Variants in SGCZ observed in about 807,000 individuals in gnomAD.
The protein encoded by SGCZ is zeta-sarcoglycan.
In SGCZ, 40 loss-of-function variants were observed where a neutral mutation model predicts 41.3. The ratio of observed to expected loss-of-function variants is 0.97; its 90% CI spans 0.75 to 1.26. The LOEUF is 1.26. Among genes scored for constraint, SGCZ ranks in the 50% most tolerant of loss-of-function variants. The pLI is 0.00. For missense variants in SGCZ, 552 were observed against 369.8 expected (o/e 1.49, Z -4.04); for synonymous variants, 206 against 137.5 (o/e 1.50, Z -3.49).
At chr8:14,134,313 A>G (rs1803129347) in intron 5 of SGCZ, among the ~76,000 whole-genome samples, 1 of 152,200 alleles carries the variant, frequency 6.6e-6, no homozygotes, top group South Asian at 2.1e-4. Context: ...TCCAGAACAT[A>G]CACACTTTCA....
intron 1 of SGCZ, among the ~76,000 whole-genome samples, chr8:14,908,212 T>G (rs1799175073): frequency 6.6e-6 from 1 of 152,224 alleles, no homozygotes; most frequent in Admixed American, 6.5e-5. Flanking sequence ...GGCAAATTTC[T>G]CTAAATCATT....
At chr8:14,649,390 A>T (rs1007522433) in intron 1 of SGCZ, among the ~76,000 whole-genome samples, 1 of 152,086 alleles carries the variant, frequency 6.6e-6, no homozygotes, top group South Asian at 2.1e-4. Flanking sequence ...TGAAGGGACA[A>T]CCCATCTGGC....
At chr8:14,209,680 T>C (rs1038164858) in intron 4 of SGCZ, among the ~76,000 whole-genome samples, 9 of 152,208 alleles carry the variant, frequency 5.9e-5, no homozygotes, top group Admixed American at 4.6e-4. Flanking sequence ...TTATTAGCTA[T>C]GCCTATTTTA....
chr8:14,588,042 A>G (rs1805117520), intron 1 of SGCZ, among the ~76,000 whole-genome samples: 1 of 152,144 alleles, frequency 6.6e-6, no homozygotes, highest in South Asian at 2.1e-4. Flanking sequence ...AAATTTTTAT[A>G]CAGAATTAAT....
At chr8:14,220,489 G>A (rs898990263) in intron 4 of SGCZ, among the ~76,000 whole-genome samples, 14 of 152,270 alleles carry the variant, frequency 9.2e-5, no homozygotes, top group South Asian at 4.1e-4. Context: ...GTGATCTTAG[G>A]TGCACTGCTG....
At chr8:14,283,915 G>C (rs977561192) in intron 3 of SGCZ, among the ~76,000 whole-genome samples, 1 of 152,176 alleles carries the variant, frequency 6.6e-6, no homozygotes, top group African/African-American at 2.4e-5. Flanking sequence ...TGTAGAATTT[G>C]TTCTTGTTTA....
At chr8:14,188,164 CTATGT>C (rs1265512639) in intron 4 of SGCZ, among the ~76,000 whole-genome samples, 2 of 152,026 alleles carry the variant, frequency 1.3e-5, no homozygotes, top group Non-Finnish European at 2.9e-5. Flanking sequence ...TCTAGCAGAC[CTATGT>C]TATAAGAAAT....
intron 2 of SGCZ, among the ~76,000 whole-genome samples, chr8:14,446,494 T>C (rs1365858212): frequency 6.6e-6 from 1 of 152,238 alleles, no homozygotes; most frequent in Non-Finnish European, 1.5e-5. Flanking sequence ...ATTTCTATTT[T>C]GACTTGAAGA....
At chr8:15,182,290 C>T (rs1404788589) in intron 1 of SGCZ, among the ~76,000 whole-genome samples, 1 of 152,016 alleles carries the variant, frequency 6.6e-6, no homozygotes, top group African/African-American at 2.4e-5. Context: ...TAGCATTATA[C>T]TAAATATAAT....
intron 2 of SGCZ, among the ~76,000 whole-genome samples, chr8:14,424,459 C>G (rs936312792): frequency 6.6e-6 from 1 of 152,104 alleles, no homozygotes; most frequent in African/African-American, 2.4e-5. Context: ...TGGATCTTCT[C>G]CACCCCATTA....
At chr8:14,824,123 G>C (rs537557728) in intron 1 of SGCZ, among the ~76,000 whole-genome samples, 41 of 152,206 alleles carry the variant, frequency 2.7e-4, no homozygotes, top group African/African-American at 9.6e-4. Context: ...ATGAGAAAAG[G>C]TTTTTCGAGA....
chr8:15,198,542 T>C (rs1800802536), intron 1 of SGCZ, among the ~76,000 whole-genome samples: 1 of 152,190 alleles, frequency 6.6e-6, no homozygotes, highest in Non-Finnish European at 1.5e-5. Flanking sequence ...GAAATGGATT[T>C]GCTATACTTT....
chr8:14,564,326 G>C (rs1804294093), intron 1 of SGCZ, among the ~76,000 whole-genome samples: 2 of 151,586 alleles, frequency 1.3e-5, no homozygotes. Context: ...ATCATATTTA[G>C]ATTTAACGCT....
At chr8:14,690,326 C>G (rs1808759106) in intron 1 of SGCZ, 1 of 152,008 alleles carries the variant, frequency 6.6e-6, no homozygotes, top group African/African-American at 2.4e-5. Context: ...TGATGGCTTC[C>G]CACTCCTTGC....
chr8:14,455,634 T>C (rs1800721591), intron 2 of SGCZ, among the ~76,000 whole-genome samples: 1 of 152,118 alleles, frequency 6.6e-6, no homozygotes. Flanking sequence ...CCCAATAATA[T>C]GGAAATATAT....
At chr8:15,090,195 T>C (rs1440781340) in intron 1 of SGCZ, among the ~76,000 whole-genome samples, 3 of 152,212 alleles carry the variant, frequency 2.0e-5, no homozygotes. Flanking sequence ...GAAGCAAATT[T>C]AGTCTGTTAC....
intron 1 of SGCZ, among the ~76,000 whole-genome samples, chr8:14,782,527 A>C (rs368779279): frequency 1.1e-4 from 17 of 152,204 alleles, no homozygotes; most frequent in African/African-American, 3.9e-4. Flanking sequence ...AAATAGTCAA[A>C]GCATTTTGCA....
intron 1 of SGCZ, among the ~76,000 whole-genome samples, chr8:14,764,094 A>G (rs1398503648): frequency 6.6e-6 from 1 of 152,202 alleles, no homozygotes; most frequent in East Asian, 1.9e-4. Context: ...AAAAAAGGAA[A>G]TGCTTCAAGA....
chr8:14,948,165 G>C (rs961115029), intron 1 of SGCZ, among the ~76,000 whole-genome samples: 3 of 152,098 alleles, frequency 2.0e-5, no homozygotes, highest in African/African-American at 7.2e-5. Flanking sequence ...CCTGATCCTA[G>C]AACTCATCAA....
Sources: allele counts gnomAD v4.1 joint callset (sites outside exome capture counted in the v4.1 genomes callset), GRCh38; gene constraint gnomAD v4.1.1; transcripts MANE v1.5; gene names NCBI Gene and HGNC (gene_info 2026-07-23, HGNC 2026-07-21).